The following AFAP1L2 variants were observed in gnomAD, a reference collection of about 807,000 sequenced individuals.
AFAP1L2 encodes actin filament-associated protein 1-like 2.
AFAP1L2 carries 46 observed loss-of-function variants against 99.3 expected under a neutral mutation model. The ratio of observed to expected loss-of-function variants is 0.46; its 90% CI spans 0.37 to 0.59. AFAP1L2 has a LOEUF of 0.59. Among genes scored for constraint, AFAP1L2 ranks in the 20% least tolerant of loss-of-function variants. The pLI is 0.00. For synonymous variants in AFAP1L2, 397 were observed against 419.1 expected (o/e 0.95, Z 0.64); for missense variants, 959 against 1,034.9 (o/e 0.93, Z 1.01).
chr10:114,301,696 C>T (rs2041224376), intron 12 of AFAP1L2: 4 of 560,844 alleles, frequency 7.1e-6, no homozygotes, highest in Non-Finnish European at 1.3e-5. Context: ...GACAAGCTTC[C>T]CTTGCCCATA....
chr10:114,371,871 C>T (rs577257831), intron 1 of AFAP1L2, among the ~76,000 whole-genome samples: 11 of 95,418 alleles, frequency 1.2e-4, no homozygotes, highest in South Asian at 3.2e-4. Flanking sequence ...GGGGGGGTGG[C>T]GGGGGAAAGT....
intron 1 of AFAP1L2, among the ~76,000 whole-genome samples, chr10:114,361,876 T>C (rs2052478291): frequency 6.6e-6 from 1 of 152,226 alleles, no homozygotes; most frequent in Non-Finnish European, 1.5e-5. Context: ...ATATTAGCTT[T>C]TCTGCACCTC....
intron 8 of AFAP1L2, among the ~76,000 whole-genome samples, chr10:114,308,969 A>G (rs917871868): frequency 4.6e-5 from 7 of 152,170 alleles, no homozygotes; most frequent in African/African-American, 1.7e-4. Flanking sequence ...AGCCTCTCTG[A>G]GCCTCACTCT....
At position 114,296,082 on chromosome 10, in the gene AFAP1L2, C is replaced by CAAAT; in HGVS notation, c.2431-18_2431-15dup. ...CTTCTCCCATTCCTAGGGTACCATT[C>CAAAT]AAATACCAGCACCCACCCCCCACCA... On this transcript the variant is annotated splice_polypyrimidine_tract_variant and intron_variant, in intron 18 of 18. Transcript: ENST00000304129. 1 of 1,614,168 alleles carries CAAAT rather than the reference C, an allele frequency of 6.2e-7. No individual in the cohort carries two copies. Among genetic ancestry groups the CAAAT allele is most frequent in the Non-Finnish European group, 8.5e-7 (1 of 1,179,992 alleles).
At position 114,377,060 on chromosome 10, in the gene AFAP1L2, T is replaced by C. The variant is rs576816244; in HGVS notation, c.16+27380A>G. On this transcript the variant is annotated intron_variant, in intron 1 of 18. Transcript: ENST00000304129. The surrounding 1 kb of genome is among the most constrained non-coding windows in gnomAD (Gnocchi z 4.0). ...TTTTCAAATATCACTGGGGGCATTA[T>C]ACAAGACAAGGTCATAATACATGTG... Among the ~76,000 whole-genome samples, 136 of 152,314 alleles carry C rather than the reference T, an allele frequency of 8.9e-4. 1 individual carries two copies. Among genetic ancestry groups the C allele is most frequent in the African/African-American group, 3.2e-3 (131 of 41,564 alleles).
intron 1 of AFAP1L2, among the ~76,000 whole-genome samples, chr10:114,370,220 C>A (rs2136962319): frequency 6.6e-6 from 1 of 152,306 alleles, no homozygotes; most frequent in South Asian, 2.1e-4. Flanking sequence ...CTGAGGAGCT[C>A]ATAATTAAAG....
intron 16 of AFAP1L2, 121 bp downstream of exon 16, chr10:114,299,139 G>C: frequency 8.3e-7 from 1 of 1,211,934 alleles, no homozygotes; most frequent in Non-Finnish European, 1.2e-6. Context: ...CCAGGCCAAG[G>C]GTTGAAGGGG....
intron 1 of AFAP1L2, among the ~76,000 whole-genome samples, chr10:114,397,853 C>T (rs879544246): frequency 6.6e-6 from 1 of 152,104 alleles, no homozygotes; most frequent in Non-Finnish European, 1.5e-5. Context: ...CACAGTCCAC[C>T]AGGACTGTAT....
At chr10:114,327,175 T>TATATATATATATATATATATA (rs1564880771) in intron 4 of AFAP1L2, among the ~76,000 whole-genome samples, 635 of 55,372 alleles carry the variant, frequency 0.011, 124 homozygotes, top group Non-Finnish European at 0.024. Flanking sequence ...ATATATATAT[T>TATATATATATATATATATATA]TTTTTTTTAG....
chr10:114,385,695 G>C lies in AFAP1L2; in HGVS notation c.16+18745C>G, dbSNP rs575636508. ...TCTGCCAGCCTGTAATAAAATGAAA[G>C]TGTCTGACAGAAAAGCCTTGGGAAG... is the stretch of plus-strand genomic sequence containing the variant. On this transcript the variant is annotated intron_variant, in intron 1 of 18. Transcript: ENST00000304129. Among the ~76,000 whole-genome samples the C allele has an allele frequency of 5.6e-4, 85 of 152,314 alleles. No homozygotes were observed. In the Middle Eastern group the frequency reaches 0.014, roughly 24 times the overall value.
intron 1 of AFAP1L2, among the ~76,000 whole-genome samples, chr10:114,354,321 A>T (rs977162892): frequency 1.3e-5 from 2 of 152,188 alleles, no homozygotes; most frequent in Admixed American, 6.5e-5. Flanking sequence ...TGCTGATCGT[A>T]GCACCTCTAA....
rs575680516 is a variant in AFAP1L2 at position 114,355,026 on chromosome 10, T to C, written c.17-14295A>G. The stretch of plus-strand genomic sequence containing the variant: ...ATACAATGGCCCCATAGAATCTAAC[T>C]TTCTTGCTCCCTTTGAAAAGTCCAA... On this transcript the variant is annotated intron_variant, in intron 1 of 18. Coordinates refer to ENST00000304129, the MANE Select transcript of AFAP1L2 (RefSeq NM_001001936.3). Among the ~76,000 whole-genome samples, 14 of 152,342 alleles carry C rather than the reference T, an allele frequency of 9.2e-5. No individual in the cohort carries two copies. In the East Asian group the frequency reaches 2.7e-3, roughly 29 times the overall value.
At chr10:114,326,523 G>C (rs1200292465) in intron 4 of AFAP1L2, among the ~76,000 whole-genome samples, 1 of 152,202 alleles carries the variant, frequency 6.6e-6, no homozygotes, top group East Asian at 1.9e-4. Context: ...ACTTGAATCT[G>C]TGCTCTTGGG....
At chr10:114,290,225 T>C, downstream of AFAP1L2, 1 of 1,550,170 alleles carries the variant, frequency 6.5e-7, no homozygotes, top group Non-Finnish European at 8.7e-7. Context: ...GTGGGTATGG[T>C]GTTCTCCATT....
chr10:114,281,714 G>A, the AFAP1L2 span: 1 of 985,172 alleles, frequency 1.0e-6, no homozygotes, highest in African/African-American at 1.7e-5. Context: ...GGCGGGGCTG[G>A]GGCACTGCGG....
At chr10:114,404,940 G>A (rs1336944364), upstream of AFAP1L2, among the ~76,000 whole-genome samples, 1 of 152,188 alleles carries the variant, frequency 6.6e-6, no homozygotes, top group East Asian at 1.9e-4. Context: ...GTTGAGACTG[G>A]CTTAGAGCTC....
intron 1 of AFAP1L2, among the ~76,000 whole-genome samples, chr10:114,357,875 T>C (rs1590504044): frequency 1.3e-5 from 2 of 152,320 alleles, no homozygotes; most frequent in African/African-American, 2.4e-5. Context: ...CAGGGGCTTA[T>C]TTGCAGTGTG....
chr10:114,360,203 C>T (rs1205294731), intron 1 of AFAP1L2, among the ~76,000 whole-genome samples: 1 of 152,184 alleles, frequency 6.6e-6, no homozygotes, highest in Non-Finnish European at 1.5e-5. Flanking sequence ...GGGAATTCCT[C>T]CTGCCTGTCG....
downstream of AFAP1L2, chr10:114,290,169 A>C (rs1160885225): frequency 6.5e-7 from 1 of 1,531,296 alleles, no homozygotes; most frequent in Non-Finnish European, 8.8e-7. Context: ...TACTGGGCTT[A>C]CTTAGGGTAG....
Sources: allele counts gnomAD v4.1 joint callset (sites outside exome capture counted in the v4.1 genomes callset), GRCh38; gene constraint gnomAD v4.1.1; non-coding constraint Gnocchi (gnomAD v3.1); transcripts MANE v1.5; gene names NCBI Gene and HGNC (gene_info 2026-07-23, HGNC 2026-07-21).